STARD10: variants seen among roughly 807,000 people sequenced by gnomAD.
STARD10 encodes StAR related lipid transfer domain containing 10, also known as START domain-containing protein 10.
Under a neutral mutation model 36.0 loss-of-function variants are expected in STARD10, and 24 were observed. The ratio of observed to expected loss-of-function variants is 0.67; its 90% CI spans 0.48 to 0.94. The LOEUF (loss-of-function observed/expected upper bound fraction) is 0.94. Ranked by LOEUF, STARD10 falls within the 40% of genes least tolerant of loss-of-function variation. The probability of loss-of-function intolerance (pLI) is 0.00; values close to 1 mark genes in which losing one functional copy is unlikely to be tolerated. For missense variants in STARD10, 335 were observed against 396.6 expected (o/e 0.84, Z 1.32); for synonymous variants, 156 against 161.9 (o/e 0.96, Z 0.28).
chr11:72,781,126 C>A lies in STARD10; in HGVS notation c.56G>T (p.Arg19Leu), dbSNP rs776954053. ...GTCATCGGGCACCTGGACACTCTCA[C>A]GGCCCAGGACCGGCCGAGGCCCTTG... ...EPQGPRPVLG[R>L]ESVQVPDDQD... The change falls in exon 2 of 7, where the codon CGT becomes CTT. Residue 19 changes from arginine (R) to leucine (L), a missense_variant. By Grantham distance (102) the Arg-to-Leu change is moderately radical. Coordinates refer to ENST00000334805, the MANE Select transcript of STARD10 (RefSeq NM_006645.3). The surrounding 1 kb of genome is among the most constrained non-coding windows in gnomAD (Gnocchi z 4.7). The A allele has an allele frequency of 6.2e-7, 1 of 1,613,676 alleles. No homozygotes were observed. The highest frequency in any genetic ancestry group is 1.3e-5 in the African/African-American group (1 of 75,056).
At chr11:72,780,133 G>C (rs569605808) in intron 2 of STARD10, 11 of 437,602 alleles carry the variant, frequency 2.5e-5, no homozygotes, top group South Asian at 1.6e-4. Flanking sequence ...GATGTGTTGG[G>C]GGCAGCTATT....
intron 1 of STARD10, among the ~76,000 whole-genome samples, chr11:72,789,676 G>A (rs1209830178): frequency 2.0e-5 from 3 of 152,186 alleles, no homozygotes; most frequent in African/African-American, 4.8e-5. Flanking sequence ...GAGGACTGGT[G>A]TGGGTGGAAT....
chr11:72,779,045 T>C (rs1858959532), intron 2 of STARD10, among the ~76,000 whole-genome samples: 1 of 152,126 alleles, frequency 6.6e-6, no homozygotes, highest in African/African-American at 2.4e-5. Flanking sequence ...GTAGGGTTTA[T>C]TCATTAACCA....
chr11:72,780,996 A>T lies in STARD10; in HGVS notation c.186T>A (p.Asp62Glu). ...CTACCTTGATCTTGTGCAGCGTCCGATCCATCTCCACAGCCTGCACCCAGA... is the reference window on the plus strand; with the variant it reads ...CTACCTTGATCTTGTGCAGCGTCCGTTCCATCTCCACAGCCTGCACCCAGA... ...VSVWVQAVEM[D>E]RTLHKIKCRM... Residue 62 changes from aspartate (D) to glutamate (E), a missense_variant, in exon 2 of 7, where the codon GAT becomes GAA. Coordinates refer to ENST00000334805, the MANE Select transcript of STARD10 (RefSeq NM_006645.3). 3 of 1,614,112 alleles carry T rather than the reference A, an allele frequency of 1.9e-6. No individual in the cohort carries two copies. Among genetic ancestry groups the T allele is most frequent in the Non-Finnish European group, 2.5e-6 (3 of 1,180,016 alleles).
chr11:72,791,752 G>T (rs1328519798), intron 1 of STARD10, among the ~76,000 whole-genome samples: 2 of 151,922 alleles, frequency 1.3e-5, no homozygotes, highest in Non-Finnish European at 2.9e-5. Context: ...AGTTTCTCTG[G>T]CTGAAAAACA....
At position 72,780,990 on chromosome 11, in the gene STARD10, C is replaced by T. The variant is rs772070454; in HGVS notation, c.192G>A (p.Thr64=). The T allele has an allele frequency of 1.9e-6, 3 of 1,614,038 alleles. No homozygotes were observed. The highest frequency in any genetic ancestry group is 2.2e-5 in the East Asian group (1 of 44,886). ...VWVQAVEMDR[T]LHKIKCRMEC... ...GCAACCCTACCTTGATCTTGTGCAG[C>T]GTCCGATCCATCTCCACAGCCTGCA... Residue 64 remains threonine (T), a synonymous_variant, in exon 2 of 7, where the codon ACG becomes ACA. Coordinates refer to ENST00000334805, the MANE Select transcript of STARD10 (RefSeq NM_006645.3).
chr11:72,764,951 G>A (rs965581074), intron 2 of STARD10, among the ~76,000 whole-genome samples: 4 of 152,202 alleles, frequency 2.6e-5, no homozygotes, highest in African/African-American at 7.2e-5. Context: ...CAGGGACCCC[G>A]ACATGCAGTG....
intron 2 of STARD10, among the ~76,000 whole-genome samples, chr11:72,771,253 C>G (rs1439093886): frequency 6.6e-6 from 1 of 152,104 alleles, no homozygotes; most frequent in Non-Finnish European, 1.5e-5. Flanking sequence ...GAGGACAATC[C>G]CTGACAAGTC....
In STARD10 at chr11:72,754,793, C is replaced by T. The variant is rs769435438; in HGVS notation, c.*104G>A. ...GGCTGCAGCACCCGCCTGGGCCTGGCCCGGTGCCACCAGGTGCCGGGTGGG... is the reference window on the plus strand; with the variant it reads ...GGCTGCAGCACCCGCCTGGGCCTGGTCCGGTGCCACCAGGTGCCGGGTGGG... On this transcript the variant is annotated 3_prime_UTR_variant, in exon 7 of 7. Coordinates refer to ENST00000334805, the MANE Select transcript of STARD10 (RefSeq NM_006645.3). 1.8e-5 allele frequency: 27 copies of T among 1,497,958 alleles called. No homozygotes were observed. The highest frequency in any genetic ancestry group is 2.1e-5 in the Non-Finnish European group (24 of 1,117,986). The allele number at this position is 1,497,958 out of a possible 1,614,324, so 92.8% of individuals were successfully genotyped here. A position where few individuals can be genotyped will look rare whatever the true frequency, so the allele number is the denominator to read the frequency against.
At chr11:72,772,037 C>T (rs2135619105) in intron 2 of STARD10, among the ~76,000 whole-genome samples, 1 of 152,316 alleles carries the variant, frequency 6.6e-6, no homozygotes, top group East Asian at 1.9e-4. Flanking sequence ...AGGCTTCATC[C>T]CCAACAGCCC....
chr11:72,757,252 T>G (rs1395249603), intron 5 of STARD10, among the ~76,000 whole-genome samples: 1 of 151,484 alleles, frequency 6.6e-6, no homozygotes, highest in African/African-American at 2.4e-5. Context: ...AGTGGAGACT[T>G]AGGGCAAGGG....
intron 2 of STARD10, among the ~76,000 whole-genome samples, chr11:72,776,313 C>T (rs374389552): frequency 3.1e-4 from 47 of 152,338 alleles, no homozygotes; most frequent in African/African-American, 9.1e-4. Context: ...CTGTGCCCCA[C>T]AGCAGGCAGA....
intron 5 of STARD10, chr11:72,755,954 C>G (rs1231685554): frequency 1.9e-6 from 1 of 517,052 alleles, no homozygotes; most frequent in East Asian, 3.3e-5. Flanking sequence ...CTCTGTCCCC[C>G]ACTTTCCCTC....
intron 6 of STARD10, 160 bp from the exon 7 acceptor site, chr11:72,755,302 C>A: frequency 1.7e-6 from 1 of 602,306 alleles, no homozygotes; most frequent in African/African-American, 2.3e-5. Flanking sequence ...CTCCATTCTC[C>A]ATTCTTTTTT....
chr11:72,761,902 T>TTTTTC lies in STARD10; in HGVS notation c.208-2526_208-2522dup, dbSNP rs1341037163. Among the ~76,000 whole-genome samples, 232 of 144,496 alleles carry TTTTTC rather than the reference T, an allele frequency of 1.6e-3. 3 individuals carry two copies. Among genetic ancestry groups the TTTTTC allele is most frequent in the African/African-American group, 4.4e-3 (164 of 37,204 alleles). 94.8% of individuals were successfully genotyped at this position (144,496 alleles called of 152,430 possible). The stretch of plus-strand genomic sequence containing the variant: ...GTTTCATTTTGCTTGTCTGTATTTC[T>TTTTTC]TTTTCTTTTCTTTTCTTTTTTTTTT... On this transcript the variant is annotated intron_variant, in intron 2 of 6. Transcript: ENST00000334805.
chr11:72,790,362 C>CT (rs11398692), intron 1 of STARD10: 78,076 of 152,164 alleles, frequency 0.51, 20,208 homozygotes, highest in East Asian at 0.62. Context: ...TCAGTGAGTT[C>CT]TGGCCTCTCT....
chr11:72,777,853 C>A (rs1271076028), intron 2 of STARD10, among the ~76,000 whole-genome samples: 1 of 152,236 alleles, frequency 6.6e-6, no homozygotes, highest in Non-Finnish European at 1.5e-5. Context: ...GTCCCACCCC[C>A]ACCCTGGGAT....
At chr11:72,774,309 A>T (rs1858903045) in intron 2 of STARD10, among the ~76,000 whole-genome samples, 2 of 152,200 alleles carry the variant, frequency 1.3e-5, no homozygotes. Context: ...CAGAGGTGGC[A>T]AGTACCTGCC....
intron 1 of STARD10, among the ~76,000 whole-genome samples, chr11:72,787,355 G>C (rs1859086463): frequency 6.6e-6 from 1 of 152,166 alleles, no homozygotes; most frequent in African/African-American, 2.4e-5. Context: ...CTAGGCTCAG[G>C]GGAGGGAGAA....
Sources: allele counts gnomAD v4.1 joint callset (sites outside exome capture counted in the v4.1 genomes callset), GRCh38; gene constraint gnomAD v4.1.1; non-coding constraint Gnocchi (gnomAD v3.1); transcripts MANE v1.5; gene names NCBI Gene and HGNC (gene_info 2026-07-23, HGNC 2026-07-21).